NT5C1A: variants seen among roughly 807,000 people sequenced by gnomAD.
The protein encoded by NT5C1A is cytosolic 5'-nucleotidase 1A.
NT5C1A carries 18 observed loss-of-function variants against 31.0 expected under a neutral mutation model. That is an observed-to-expected ratio of 0.58 (90% CI 0.40 to 0.86). NT5C1A has a LOEUF of 0.86. NT5C1A is among the 40% of genes least tolerant of loss of function. The pLI, the probability that NT5C1A is intolerant of heterozygous loss-of-function variation, is 0.00. For synonymous variants in NT5C1A, 185 were observed against 203.6 expected (o/e 0.91, Z 0.78); for missense variants, 470 against 505.4 (o/e 0.93, Z 0.67).
chr1:39,671,104 C>A (rs1646548387), intron 1 of NT5C1A, among the ~76,000 whole-genome samples: 1 of 152,300 alleles, frequency 6.6e-6, no homozygotes, highest in African/African-American at 2.4e-5. Context: ...TGTGGGCCAA[C>A]CTCTATTCTC....
intron 1 of NT5C1A, among the ~76,000 whole-genome samples, chr1:39,670,806 C>CT (rs1387707874): frequency 6.6e-6 from 1 of 152,176 alleles, no homozygotes; most frequent in African/African-American, 2.4e-5. Context: ...CCTACTCAGG[C>CT]TTTAAGATCA....
intron 1 of NT5C1A, 139 bp from the exon 2 acceptor site, chr1:39,666,375 A>G (rs1646522522): frequency 2.5e-6 from 2 of 785,276 alleles, no homozygotes; most frequent in Non-Finnish European, 4.0e-6. Context: ...AGCCTTGAGC[A>G]GATGTGGACT....
intron 3 of NT5C1A, among the ~76,000 whole-genome samples, chr1:39,664,392 C>T (rs1354598988): frequency 1.0e-4 from 15 of 146,452 alleles, no homozygotes; most frequent in Non-Finnish European, 1.6e-4. Flanking sequence ...CGTGATCCCC[C>T]GCCTCGGCCT....
chr1:39,665,398 A>G (rs1646515842), intron 3 of NT5C1A, 123 bp downstream of exon 3: 3 of 883,072 alleles, frequency 3.4e-6, no homozygotes, highest in Non-Finnish European at 4.8e-6. Context: ...CGAATTTACC[A>G]GCACACACTG....
At position 39,666,147 on chromosome 1, in the gene NT5C1A, G is replaced by A. The variant is rs375008801; in HGVS notation, c.225C>T (p.Gly75=). Residue 75 remains glycine, a synonymous_variant, in exon 2 of 6, where the codon GGC becomes GGT. Coordinates refer to ENST00000235628, the MANE Select transcript of NT5C1A (RefSeq NM_032526.3). ...DEEQQIYTEQ[G]VEEYVRYQLE... Reference sequence around the variant, plus strand: ...GCTGGTAGCGCACGTACTCCTCCACGCCCTGCTCCGTGTAGATCTGCTGCT... The same window carrying A: ...GCTGGTAGCGCACGTACTCCTCCACACCCTGCTCCGTGTAGATCTGCTGCT... The A allele has an allele frequency of 1.4e-5, 23 of 1,613,452 alleles. No individual in the cohort carries two copies. The highest frequency in any genetic ancestry group is 3.3e-5 in the Admixed American group (2 of 59,994).
chr1:39,671,869 C>T (rs552981424), intron 1 of NT5C1A, 35 bp downstream of exon 1: 4 of 1,609,970 alleles, frequency 2.5e-6, no homozygotes, highest in Non-Finnish European at 3.4e-6. Context: ...GGTAACCCTT[C>T]CCCCGTCCCC....
intron 2 of NT5C1A, 74 bp downstream of exon 2, chr1:39,665,995 A>G (rs1570460783): frequency 4.2e-6 from 6 of 1,420,962 alleles, no homozygotes; most frequent in Admixed American, 3.8e-5. Context: ...ACCTTACTCA[A>G]ATACTCATGG....
Position 39,654,930 on chromosome 1 carries a change from C to G in NT5C1A, c.*4191G>C, listed in dbSNP as rs1646452081. Among the ~76,000 whole-genome samples, 1 of 149,716 alleles carries G rather than the reference C, an allele frequency of 6.7e-6. No homozygotes were observed. The highest frequency in any genetic ancestry group is 2.1e-4 in the South Asian group (1 of 4,792). ...CAAATGGGCATGGCTATGTTCTAAT[C>G]AAAGTTTCTTTTATCTTTTTTTTTT... On this transcript the variant is annotated 3_prime_UTR_variant, in exon 6 of 6. Coordinates refer to ENST00000235628, the MANE Select transcript of NT5C1A (RefSeq NM_032526.3).
chr1:39,658,797 G>A lies in NT5C1A; in HGVS notation c.*324C>T, dbSNP rs1321851493. ...GTGTTGTTTACACCACATTGAGCTA[G>A]TTTTCATCCTAAGTCACTATTGAGA... On this transcript the variant is annotated 3_prime_UTR_variant, in exon 6 of 6. Coordinates refer to ENST00000235628, the MANE Select transcript of NT5C1A (RefSeq NM_032526.3). Among the ~76,000 whole-genome samples, 4 of 152,148 alleles carry A rather than the reference G, an allele frequency of 2.6e-5. No homozygotes were observed. The highest frequency in any genetic ancestry group is 4.4e-5 in the Non-Finnish European group (3 of 68,020).
At chr1:39,667,574 A>G (rs1322303308) in intron 1 of NT5C1A, among the ~76,000 whole-genome samples, 1 of 152,182 alleles carries the variant, frequency 6.6e-6, no homozygotes, top group East Asian at 1.9e-4. Context: ...TCCGTGGGTC[A>G]TGTACTCAAC....
rs908976013 is a variant in NT5C1A at position 39,653,140 on chromosome 1, T to C, written c.*5981A>G. The stretch of plus-strand genomic sequence containing the variant: ...CAGGTATAGTCAAAAGGATTGCCCT[T>C]ACACAGATTCTACCACTTCCTTCCC... On this transcript the variant is annotated 3_prime_UTR_variant, in exon 6 of 6. Coordinates refer to ENST00000235628, the MANE Select transcript of NT5C1A (RefSeq NM_032526.3). 6.6e-6 allele frequency among the ~76,000 whole-genome samples: 1 copy of C among 151,848 alleles called. No individual in the cohort carries two copies. The highest frequency in any genetic ancestry group is 2.4e-5 in the African/African-American group (1 of 41,346).
At chr1:39,661,008 G>T in intron 5 of NT5C1A, 71 bp downstream of exon 5, 1 of 853,068 alleles carries the variant, frequency 1.2e-6, no homozygotes, top group Non-Finnish European at 1.9e-6. Flanking sequence ...TCCAGGCTGG[G>T]AGTGCAGGCC....
In NT5C1A at chr1:39,665,542, T is replaced by A; in HGVS notation, c.412A>T (p.Ile138Phe). 1 of 1,613,376 alleles carries A rather than the reference T, an allele frequency of 6.2e-7. No homozygotes were observed. The highest frequency in any genetic ancestry group is 8.5e-7 in the Non-Finnish European group (1 of 1,179,824). The part of the protein sequence containing the change: ...NNHAQVGVRL[I>F]NSINHYDLFI... ...TCACCATAGTGGTTGATACTGTTGA[T>A]GAGGCGGACACCCACTTGAGCATGG... is the stretch of plus-strand genomic sequence containing the variant. The change falls in exon 3 of 6, where the codon ATC becomes TTC. Residue 138 changes from isoleucine (I) to phenylalanine (F), a missense_variant. Transcript: ENST00000235628.
intron 1 of NT5C1A, 87 bp downstream of exon 1, chr1:39,671,817 G>T: frequency 6.6e-7 from 1 of 1,518,024 alleles, no homozygotes; most frequent in Non-Finnish European, 9.0e-7. Flanking sequence ...CCAGAGGGGC[G>T]CCACGGGTCC....
Position 39,651,726 on chromosome 1 carries a change from T to TAGA in NT5C1A, c.*7394_*7395insTCT, listed in dbSNP as rs777218285. On this transcript the variant is annotated 3_prime_UTR_variant, in exon 6 of 6. Coordinates refer to ENST00000235628, the MANE Select transcript of NT5C1A (RefSeq NM_032526.3). ...CAGAAGTTAAGTATATGTGCGCTAT[T>TAGA]ACATTAATAAAGAAGTTCGTAGGCC... Among the ~76,000 whole-genome samples the TAGA allele has an allele frequency of 1.3e-5, 2 of 152,044 alleles. No individual in the cohort carries two copies. Among genetic ancestry groups the TAGA allele is most frequent in the Admixed American group, 6.5e-5 (1 of 15,270 alleles).
Position 39,659,415 on chromosome 1 carries a change from C to T in NT5C1A, c.813G>A (p.Leu271=), listed in dbSNP as rs1420583878. The change falls in exon 6 of 6, where the codon CTG becomes CTA. Residue 271 remains leucine (L), a synonymous_variant. Transcript: ENST00000235628. ...CCAAGTAGGTACGAATTGGGCACTC[C>T]AGCCGCAGGCCTTTGGAGTAGAACT... is the stretch of plus-strand genomic sequence containing the variant. ...QKKFYSKGLR[L]ECPIRTYLVT... The T allele has an allele frequency of 6.2e-7, 1 of 1,613,042 alleles. No homozygotes were observed. The highest frequency in any genetic ancestry group is 1.3e-5 in the African/African-American group (1 of 75,048).
chr1:39,664,558 T>A (rs1347546279), intron 3 of NT5C1A, among the ~76,000 whole-genome samples: 7 of 73,338 alleles, frequency 9.5e-5, no homozygotes, highest in Non-Finnish European at 1.6e-4. Flanking sequence ...AGTGGGGTGA[T>A]CTCGGCTCAT....
intron 5 of NT5C1A, among the ~76,000 whole-genome samples, chr1:39,660,263 G>A (rs1245848630): frequency 6.6e-6 from 1 of 152,162 alleles, no homozygotes; most frequent in Admixed American, 6.5e-5. Flanking sequence ...ATATTTAGGA[G>A]CCACAGCGGA....
At position 39,656,624 on chromosome 1, in the gene NT5C1A, G is replaced by C. The variant is rs1646460318; in HGVS notation, c.*2497C>G. 3.3e-5 allele frequency among the ~76,000 whole-genome samples: 5 copies of C among 152,334 alleles called. No individual in the cohort carries two copies. The highest frequency in any genetic ancestry group is 4.8e-5 in the African/African-American group (2 of 41,570). On this transcript the variant is annotated 3_prime_UTR_variant, in exon 6 of 6. Coordinates refer to ENST00000235628, the MANE Select transcript of NT5C1A (RefSeq NM_032526.3). The stretch of plus-strand genomic sequence containing the variant: ...AATCATCAGTGGTGTTCATCACCAG[G>C]CCCTGGGGGCAAGACCACACAGGTC...
Sources: gnomAD v4.1 joint callset for allele counts (sites outside exome capture counted in the v4.1 genomes callset) on GRCh38, gnomAD v4.1.1 for gene constraint, MANE v1.5 for transcripts, NCBI Gene and HGNC (gene_info 2026-07-23, HGNC 2026-07-21) for gene names.